ACMSD: variants seen among roughly 807,000 people sequenced by gnomAD.
ACMSD encodes 2-amino-3-carboxymuconate-6-semialdehyde decarboxylase.
Under a neutral mutation model 45.9 loss-of-function variants are expected in ACMSD, and 37 were observed. That is an observed-to-expected ratio of 0.81 (90% CI 0.62 to 1.06). The LOEUF (loss-of-function observed/expected upper bound fraction) is 1.06, where lower values mean the gene tolerates loss of function less well. Among genes scored for constraint, ACMSD ranks in the 50% least tolerant of loss-of-function variants. The probability of loss-of-function intolerance (pLI) is 0.00; values close to 1 mark genes in which losing one functional copy is unlikely to be tolerated. For synonymous variants in ACMSD, 138 were observed against 148.8 expected (o/e 0.93, Z 0.53); for missense variants, 434 against 420.9 (o/e 1.03, Z -0.27).
chr2:134,852,661 C>CG (rs1419834550), intron 2 of ACMSD, among the ~76,000 whole-genome samples: 5 of 152,062 alleles, frequency 3.3e-5, no homozygotes, highest in Admixed American at 1.3e-4. Flanking sequence ...TAGGGCCTCC[C>CG]GGGGGAGCTG....
rs1688022763 is a variant in ACMSD at position 134,864,843 on chromosome 2, C to A, written c.486+1212C>A. ...TATCCAACTTCAAGTGTCCATAGTT[C>A]CACAGTCATCTCCATCAGTCTTCTT... On this transcript the variant is annotated intron_variant, in intron 5 of 9. Transcript: ENST00000356140. Among the ~76,000 whole-genome samples the A allele has an allele frequency of 2.0e-5, 3 of 152,140 alleles. No homozygotes were observed. The South Asian group carries it at 6.2e-4, about 32-fold the overall frequency.
intron 2 of ACMSD, among the ~76,000 whole-genome samples, chr2:134,854,056 T>C (rs900453204): frequency 6.6e-6 from 1 of 152,208 alleles, no homozygotes; most frequent in Admixed American, 6.5e-5. Flanking sequence ...CTGCACCTCA[T>C]GGACTTATTG....
intron 5 of ACMSD, among the ~76,000 whole-genome samples, chr2:134,867,139 C>T (rs1269239729): frequency 1.3e-5 from 2 of 152,196 alleles, no homozygotes; most frequent in Non-Finnish European, 2.9e-5. Context: ...GCACTCTCGC[C>T]CTGACTCCAA....
At chr2:134,852,551 C>G (rs929419263) in intron 2 of ACMSD, among the ~76,000 whole-genome samples, 3 of 152,126 alleles carry the variant, frequency 2.0e-5, no homozygotes, top group African/African-American at 7.2e-5. Flanking sequence ...AGCAAAGTAA[C>G]GTAGGCTTGA....
At chr2:134,886,243 A>ATTTTT (rs200101134) in intron 8 of ACMSD, among the ~76,000 whole-genome samples, 20 of 123,520 alleles carry the variant, frequency 1.6e-4, no homozygotes, top group East Asian at 1.2e-3. Context: ...CATTATTATT[A>ATTTTT]TTATTTTTTT....
intron 5 of ACMSD, among the ~76,000 whole-genome samples, chr2:134,866,982 C>A (rs1431192868): frequency 6.6e-6 from 1 of 152,174 alleles, no homozygotes; most frequent in African/African-American, 2.4e-5. Flanking sequence ...CTGTAGACCC[C>A]AGGGATTCCA....
chr2:134,849,963 AACAC>A (rs10617563), intron 2 of ACMSD, among the ~76,000 whole-genome samples: 33,543 of 145,644 alleles, frequency 0.23, 3,986 homozygotes, highest in Middle Eastern at 0.52. Flanking sequence ...GGGCCTTGGG[AACAC>A]ACACACACAC....
intron 8 of ACMSD, among the ~76,000 whole-genome samples, chr2:134,892,153 C>A (rs1288915484): frequency 1.3e-5 from 2 of 151,946 alleles, no homozygotes; most frequent in African/African-American, 4.8e-5. Context: ...GTGATGGTTA[C>A]ACTAAAAGCC....
In ACMSD at chr2:134,838,749, A is replaced by G; in HGVS notation, c.57+10A>G. ...GCCAGATCTAAAAAAGGTAATGGTAATTAATTTGCTGAATTATTTCTGAAA... is the reference window on the plus strand; with the variant it reads ...GCCAGATCTAAAAAAGGTAATGGTAGTTAATTTGCTGAATTATTTCTGAAA... On this transcript the variant is annotated intron_variant, in intron 1 of 9. Coordinates refer to ENST00000356140, the MANE Select transcript of ACMSD (RefSeq NM_138326.3). 6.3e-7 allele frequency: 1 copy of G among 1,599,540 alleles called. No individual in the cohort carries two copies. The highest frequency in any genetic ancestry group is 8.6e-7 in the Non-Finnish European group (1 of 1,168,040).
intron 2 of ACMSD, among the ~76,000 whole-genome samples, chr2:134,853,420 A>T (rs1447417885): frequency 3.4e-5 from 5 of 145,260 alleles, no homozygotes; most frequent in African/African-American, 1.0e-4. Flanking sequence ...GGAATTGTTT[A>T]AAAAAAAAAA....
chr2:134,894,291 C>T (rs112137645), intron 8 of ACMSD, among the ~76,000 whole-genome samples: 2 of 151,654 alleles, frequency 1.3e-5, no homozygotes, highest in East Asian at 1.9e-4. Flanking sequence ...TGAAATAGGA[C>T]GGCAGTACTA....
chr2:134,840,171 A>AAAAAAAAAC (rs1686722545), intron 1 of ACMSD, among the ~76,000 whole-genome samples: 7 of 126,708 alleles, frequency 5.5e-5, no homozygotes, highest in Admixed American at 5.0e-4. Context: ...ACCTAGCAAA[A>AAAAAAAAAC]AAAAAAAAAA....
chr2:134,849,021 CT>C, intron 2 of ACMSD, among the ~76,000 whole-genome samples: 1 of 152,154 alleles, frequency 6.6e-6, no homozygotes, highest in East Asian at 1.9e-4. Flanking sequence ...GGCCTCAAGT[CT>C]CTCCGAGGGA....
chr2:134,859,525 T>TTTA (rs1687749657), intron 3 of ACMSD, 168 bp downstream of exon 3: 6 of 572,818 alleles, frequency 1.0e-5, no homozygotes, highest in Middle Eastern at 3.3e-4. Context: ...CTACAATGCT[T>TTTA]TTAGAGTGTG....
chr2:134,871,547 CTA>C (rs1483571190), intron 7 of ACMSD, among the ~76,000 whole-genome samples: 4 of 149,388 alleles, frequency 2.7e-5, no homozygotes, highest in African/African-American at 9.9e-5. Flanking sequence ...TTAAATCCCT[CTA>C]GTTAGATCAT....
intron 8 of ACMSD, among the ~76,000 whole-genome samples, chr2:134,887,135 C>CTACGA (rs1387445382): frequency 1.3e-5 from 2 of 152,142 alleles, no homozygotes; most frequent in East Asian, 3.8e-4. Flanking sequence ...TCAGAGAACT[C>CTACGA]TACGATGTTA....
At chr2:134,885,557 T>C (rs1032285995) in intron 8 of ACMSD, among the ~76,000 whole-genome samples, 13 of 149,650 alleles carry the variant, frequency 8.7e-5, no homozygotes, top group Admixed American at 6.1e-4. Context: ...TTAAAGTAGC[T>C]GTCATATTGA....
At chr2:134,843,197 G>A (rs919852641) in intron 1 of ACMSD, among the ~76,000 whole-genome samples, 3 of 152,030 alleles carry the variant, frequency 2.0e-5, no homozygotes, top group Admixed American at 2.0e-4. Context: ...AAAGTACCAG[G>A]GCATTGAATG....
intron 2 of ACMSD, among the ~76,000 whole-genome samples, chr2:134,847,439 GATAGATAGAT>G (rs1687112471): frequency 2.1e-5 from 3 of 144,612 alleles, no homozygotes; most frequent in South Asian, 4.4e-4. Flanking sequence ...TAGATAGATA[GATAGATAGAT>G]ATAGATAGAG....
Sources: allele counts gnomAD v4.1 joint callset (sites outside exome capture counted in the v4.1 genomes callset), GRCh38; gene constraint gnomAD v4.1.1; transcripts MANE v1.5; gene names NCBI Gene and HGNC (gene_info 2026-07-23, HGNC 2026-07-21).